The following KCNH8 variants were observed in gnomAD, a reference collection of about 807,000 sequenced individuals.
The protein encoded by KCNH8 is potassium voltage-gated channel subfamily H member 8, also known as voltage-gated delayed rectifier potassium channel KCNH8.
A neutral mutation model predicts 103.6 loss-of-function variants in KCNH8; 70 were observed. The ratio of observed to expected loss-of-function variants is 0.68; its 90% CI spans 0.56 to 0.82. KCNH8 has a LOEUF of 0.82. Ranked by LOEUF, KCNH8 falls within the 40% of genes least tolerant of loss-of-function variation. KCNH8 has a pLI of 0.00. For synonymous variants in KCNH8, 498 were observed against 489.4 expected, an observed-to-expected ratio of 1.02 and a Z score of -0.23; for missense variants, 1,217 against 1,329.9, an observed-to-expected ratio of 0.92 and a Z score of 1.32.
At chr3:19,169,618 T>C (rs150807213) in intron 1 of KCNH8, among the ~76,000 whole-genome samples, 2 of 152,334 alleles carry the variant, frequency 1.3e-5, no homozygotes, top group African/African-American at 4.8e-5. Flanking sequence ...CTGGTTTTTG[T>C]TGACCGCATC....
At chr3:19,349,722 T>C (rs1157440572) in intron 5 of KCNH8, among the ~76,000 whole-genome samples, 1 of 152,076 alleles carries the variant, frequency 6.6e-6, no homozygotes, top group East Asian at 1.9e-4. Flanking sequence ...GACGGAGATA[T>C]TTTAAAAGTT....
At chr3:19,505,920 G>T (rs894543489) in intron 11 of KCNH8, among the ~76,000 whole-genome samples, 1 of 151,872 alleles carries the variant, frequency 6.6e-6, no homozygotes, top group East Asian at 1.9e-4. Context: ...GCCAGTTTTC[G>T]AACTCTGAGA....
intron 1 of KCNH8, among the ~76,000 whole-genome samples, chr3:19,166,382 C>G (rs978010692): frequency 1.3e-5 from 2 of 152,218 alleles, no homozygotes; most frequent in Non-Finnish European, 1.5e-5. Context: ...TGATTAAAAA[C>G]TGCACATGCA....
At chr3:19,273,071 A>G (rs778464825) in intron 2 of KCNH8, among the ~76,000 whole-genome samples, 1 of 152,120 alleles carries the variant, frequency 6.6e-6, no homozygotes, top group Non-Finnish European at 1.5e-5. Context: ...TGGATCCTAA[A>G]CTAGATAATC....
intron 3 of KCNH8, among the ~76,000 whole-genome samples, chr3:19,334,752 C>T (rs980439599): frequency 6.7e-6 from 1 of 149,386 alleles, no homozygotes; most frequent in Non-Finnish European, 1.5e-5. Context: ...AATAAATTCA[C>T]CAAATGTTAA....
In KCNH8 at chr3:19,280,422, T is replaced by C. The variant is rs573104589; in HGVS notation, c.311-776T>C. Among the ~76,000 whole-genome samples, 11 of 152,258 alleles carry C rather than the reference T, an allele frequency of 7.2e-5. No homozygotes were observed. The South Asian group carries it at 2.1e-3, about 29-fold the overall frequency. On this transcript the variant is annotated intron_variant, in intron 2 of 15. Transcript: ENST00000328405. ...CAACTCCCAGACCTGAATGCCTTTCTAATCACAATTTCCCCAAAGTAACCG... is the reference window on the plus strand; with the variant it reads ...CAACTCCCAGACCTGAATGCCTTTCCAATCACAATTTCCCCAAAGTAACCG...
intron 1 of KCNH8, among the ~76,000 whole-genome samples, chr3:19,209,708 G>T (rs2063750927): frequency 6.6e-6 from 1 of 150,830 alleles, no homozygotes; most frequent in Admixed American, 6.6e-5. Context: ...TTTGCTTATA[G>T]GGAGGTGTAT....
chr3:19,464,690 A>T (rs950222194), intron 11 of KCNH8, among the ~76,000 whole-genome samples: 1 of 152,156 alleles, frequency 6.6e-6, no homozygotes, highest in Non-Finnish European at 1.5e-5. Context: ...AAAAAGACAT[A>T]TACTTCAGTT....
At chr3:19,373,444 G>A (rs897461305) in intron 5 of KCNH8, among the ~76,000 whole-genome samples, 3 of 152,054 alleles carry the variant, frequency 2.0e-5, no homozygotes, top group Non-Finnish European at 4.4e-5. Context: ...ATTTTTGTGG[G>A]ATCGGTGGTT....
At chr3:19,208,665 A>G (rs2063739931) in intron 1 of KCNH8, among the ~76,000 whole-genome samples, 1 of 152,026 alleles carries the variant, frequency 6.6e-6, no homozygotes, top group Admixed American at 6.6e-5. Context: ...AGAGGACAAT[A>G]AAATGCTGAG....
intron 11 of KCNH8, among the ~76,000 whole-genome samples, chr3:19,460,574 A>G (rs1396668964): frequency 6.6e-6 from 1 of 152,112 alleles, no homozygotes; most frequent in African/African-American, 2.4e-5. Flanking sequence ...CTTACAATGA[A>G]ATAGCAAGTG....
chr3:19,317,644 A>C (rs1394123254), intron 3 of KCNH8, among the ~76,000 whole-genome samples: 1 of 152,000 alleles, frequency 6.6e-6, no homozygotes, highest in Admixed American at 6.6e-5. Context: ...AGGTAGTTGT[A>C]AGTCAATCAT....
intron 1 of KCNH8, among the ~76,000 whole-genome samples, chr3:19,194,690 C>T (rs927318681): frequency 1.3e-5 from 2 of 151,774 alleles, no homozygotes; most frequent in African/African-American, 4.8e-5. Flanking sequence ...GGTTCATTAC[C>T]TGGGTGATGA....
At chr3:19,533,307 A>G (rs1330270818) in intron 15 of KCNH8, 88 bp from the exon 16 acceptor site, 2 of 797,758 alleles carry the variant, frequency 2.5e-6, no homozygotes, top group Non-Finnish European at 4.2e-6. Flanking sequence ...AACCGAAAGA[A>G]ATATCACTTC....
intron 3 of KCNH8, among the ~76,000 whole-genome samples, chr3:19,317,552 G>A (rs2065289432): frequency 6.6e-6 from 1 of 151,652 alleles, no homozygotes; most frequent in Admixed American, 6.6e-5. Context: ...CTTTAAAATG[G>A]GCCAGTGTCT....
At position 19,533,855 on chromosome 3, in the gene KCNH8, C is replaced by T; in HGVS notation, c.3080C>T (p.Ser1027Leu). 1.2e-6 allele frequency: 2 copies of T among 1,614,194 alleles called. No individual in the cohort carries two copies. The highest frequency in any genetic ancestry group is 2.2e-5 in the South Asian group (2 of 91,090). ...ACGTTGACGCCTCTGCAGTCCATTT[C>T]AGCAACTCTCTCATCTTCTGTCTGC... ...DSTLTPLQSI[S>L]ATLSSSVCSS... Residue 1027 changes from serine (S) to leucine (L), a missense_variant, in exon 16 of 16, where the codon TCA becomes TTA. Physicochemically the swap from Ser to Leu is moderately radical, Grantham distance 145. Transcript: ENST00000328405.
At chr3:19,339,093 G>C (rs887419188) in intron 3 of KCNH8, among the ~76,000 whole-genome samples, 5 of 151,938 alleles carry the variant, frequency 3.3e-5, no homozygotes, top group Admixed American at 3.3e-4. Flanking sequence ...CTTGCATGAG[G>C]GTTCAATTGT....
At chr3:19,267,289 A>G (rs2064525657) in intron 2 of KCNH8, among the ~76,000 whole-genome samples, 1 of 152,084 alleles carries the variant, frequency 6.6e-6, no homozygotes, top group Non-Finnish European at 1.5e-5. Flanking sequence ...AGAAATCCCC[A>G]TGCCTGATGA....
intron 12 of KCNH8, 34 bp from the exon 13 acceptor site, chr3:19,512,936 A>C: frequency 6.3e-7 from 1 of 1,577,136 alleles, no homozygotes; most frequent in Admixed American, 1.8e-5. Flanking sequence ...CGGTTTTTGC[A>C]GTCTGTACTA....
Sources: gnomAD v4.1 joint callset for allele counts (sites outside exome capture counted in the v4.1 genomes callset) on GRCh38, gnomAD v4.1.1 for gene constraint, MANE v1.5 for transcripts, NCBI Gene and HGNC (gene_info 2026-07-23, HGNC 2026-07-21) for gene names.